The following NSF variants were observed in gnomAD, a reference collection of about 807,000 sequenced individuals.
The protein encoded by NSF is N-ethylmaleimide sensitive factor, vesicle fusing ATPase.
NSF carries 14 observed loss-of-function variants against 50.3 expected under a neutral mutation model. That is an observed-to-expected ratio of 0.28 (90% CI 0.18 to 0.44). The LOEUF is 0.44. NSF is among the 20% of genes least tolerant of loss of function. The pLI is 1.00. For synonymous variants in NSF, 109 were observed against 175.7 expected (o/e 0.62, Z 3.00); for missense variants, 218 against 504.3 (o/e 0.43, Z 5.44).
chr17:46,721,670 A>G (rs2058831982), intron 15 of NSF: 1 of 1,604,270 alleles, frequency 6.2e-7, no homozygotes, highest in Non-Finnish European at 8.5e-7. Flanking sequence ...CTTGTGTTCC[A>G]CATTGTTCTG....
intron 15 of NSF, among the ~76,000 whole-genome samples, chr17:46,716,500 G>A (rs1383636592): frequency 6.6e-6 from 1 of 151,962 alleles, no homozygotes; most frequent in Non-Finnish European, 1.5e-5. Flanking sequence ...CTCATGATCC[G>A]CACGCCTCAG....
chr17:46,728,387 G>A (rs1308471207), intron 16 of NSF, among the ~76,000 whole-genome samples: 4 of 151,986 alleles, frequency 2.6e-5, no homozygotes, highest in African/African-American at 9.7e-5. Flanking sequence ...AATACACCTG[G>A]AATTTTTTTT....
At chr17:46,597,788 CTTTTTTTTTTT>C (rs1162187499) in intron 1 of NSF, among the ~76,000 whole-genome samples, 4 of 44,170 alleles carry the variant, frequency 9.1e-5, no homozygotes, top group Admixed American at 3.0e-4. Flanking sequence ...TTGCAATACT[CTTTTTTTTTTT>C]TTTTTTTTTT....
At chr17:46,722,390 C>A (rs571577426) in intron 15 of NSF, among the ~76,000 whole-genome samples, 4 of 152,172 alleles carry the variant, frequency 2.6e-5, no homozygotes, top group Non-Finnish European at 5.9e-5. Context: ...CTATAACTCA[C>A]GGTGAGTTTG....
chr17:46,669,606 CT>C lies in NSF; in HGVS notation c.746-4807del, dbSNP rs991321674. Among the ~76,000 whole-genome samples, 14 of 136,844 alleles carry C rather than the reference CT, an allele frequency of 1.0e-4. 2 individuals are homozygous for C. The highest frequency in any genetic ancestry group is 2.3e-4 in the Non-Finnish European group (14 of 61,238). 89.8% of individuals were successfully genotyped at this position (136,844 alleles called of 152,430 possible). ...TCTGCTTATGCTACTTAGTTTTCTT[CT>C]AAGTGAAAGGTAGGGACTCAACCCC... On this transcript the variant is annotated intron_variant, in intron 8 of 20. Transcript: ENST00000398238.
chr17:46,722,832 C>T (rs1017512211), intron 15 of NSF, among the ~76,000 whole-genome samples: 2 of 152,154 alleles, frequency 1.3e-5, no homozygotes, highest in Admixed American at 6.5e-5. Flanking sequence ...GACTGGTTAC[C>T]TGAAACTAGT....
At position 46,757,232 on chromosome 17, in the gene NSF, T is replaced by C. The variant is rs147263361; in HGVS notation, c.*1409T>C. On this transcript the variant is annotated 3_prime_UTR_variant, in exon 21 of 21. Coordinates refer to ENST00000398238, the MANE Select transcript of NSF (RefSeq NM_006178.4). ...GGGTTTTCTTCCCTAGCTTATTTTG[T>C]GGCTTTTAAAGAAGTGGATTGTATT... 6.6e-6 allele frequency: 1 copy of C among 152,518 alleles called. No individual in the cohort carries two copies. Among genetic ancestry groups the C allele is most frequent in the Non-Finnish European group, 1.5e-5 (1 of 68,026 alleles). 9.4% of individuals were successfully genotyped at this position (152,518 alleles called of 1,614,324 possible). A position where few individuals can be genotyped will look rare whatever the true frequency, so the allele number is the denominator to read the frequency against.
intron 20 of NSF, 95 bp from the exon 21 acceptor site, chr17:46,755,707 A>G (rs556428540): frequency 5.1e-5 from 68 of 1,342,442 alleles, no homozygotes; most frequent in Non-Finnish European, 6.5e-5. Flanking sequence ...GATAACCATT[A>G]AGAAGCTTTT....
At chr17:46,738,947 C>T (rs1162399623) in intron 17 of NSF, among the ~76,000 whole-genome samples, 1 of 150,292 alleles carries the variant, frequency 6.7e-6, no homozygotes, top group Non-Finnish European at 1.5e-5. Flanking sequence ...ACTAAAAATA[C>T]AAAAAAGTCC....
At chr17:46,680,448 A>G (rs1157725309) in intron 9 of NSF, among the ~76,000 whole-genome samples, 3 of 151,922 alleles carry the variant, frequency 2.0e-5, no homozygotes, top group African/African-American at 7.3e-5. Flanking sequence ...ACAGCATACA[A>G]AATTGCAAGT....
chr17:46,714,433 T>C (rs966839496), intron 15 of NSF, among the ~76,000 whole-genome samples: 4 of 152,206 alleles, frequency 2.6e-5, no homozygotes, highest in Non-Finnish European at 5.9e-5. Flanking sequence ...TAGTTTTATA[T>C]TAGGTAATAA....
At chr17:46,621,836 T>TG (rs2058069700) in intron 1 of NSF, among the ~76,000 whole-genome samples, 1 of 129,654 alleles carries the variant, frequency 7.7e-6, no homozygotes, top group East Asian at 2.1e-4. Context: ...CCTGATATCT[T>TG]CAAGTCTTTA....
Position 46,642,093 on chromosome 17 carries a change from G to GA in NSF, c.590-1004dup, listed in dbSNP as rs1009508381. On this transcript the variant is annotated intron_variant, in intron 7 of 20. Transcript: ENST00000398238. ...CCCACAAGAGGGCAGTAGAGTGTAA[G>GA]AAAAAAATATTTTTCATCGCTTTCC... Among the ~76,000 whole-genome samples the GA allele has an allele frequency of 3.1e-5, 3 of 97,256 alleles. 1 individual carries two copies. The highest frequency in any genetic ancestry group is 1.3e-4 in the African/African-American group (3 of 22,686). The allele number at this position is 97,256 out of a possible 152,430, so 63.8% of individuals were successfully genotyped here.
chr17:46,622,248 G>GGTGGATCACA (rs1460089674), intron 1 of NSF, among the ~76,000 whole-genome samples: 6 of 144,140 alleles, frequency 4.2e-5, no homozygotes, highest in Non-Finnish European at 4.5e-5. Flanking sequence ...ACAAGGTCAG[G>GGTGGATCACA]AGATCGAGAC....
chr17:46,728,876 G>A lies in NSF; in HGVS notation c.1850G>A (p.Arg617Gln). 2 of 1,607,918 alleles carry A rather than the reference G, an allele frequency of 1.2e-6. No individual in the cohort carries two copies. Among genetic ancestry groups the A allele is most frequent in the Non-Finnish European group, 1.7e-6 (2 of 1,177,406 alleles). ...CCAGATTACGTCCCTATTGGCCCTC[G>A]ATTTTCAAATCTTGTATTACAGGCT... is the stretch of plus-strand genomic sequence containing the variant. ...RLLDYVPIGP[R>Q]FSNLVLQALL... Residue 617 changes from arginine (R) to glutamine (Q), a missense_variant, in exon 17 of 21, where the codon CGA becomes CAA. Arg to Gln is a conservative substitution (Grantham distance 43). Coordinates refer to ENST00000398238, the MANE Select transcript of NSF (RefSeq NM_006178.4).
chr17:46,715,720 G>A (rs1206169722), intron 15 of NSF, among the ~76,000 whole-genome samples: 6 of 152,122 alleles, frequency 3.9e-5, no homozygotes, highest in South Asian at 2.1e-4. Flanking sequence ...GACTTGAAGG[G>A]GGAAGGTAAT....
intron 17 of NSF, among the ~76,000 whole-genome samples, chr17:46,735,229 C>T (rs1437596413): frequency 2.0e-5 from 3 of 152,078 alleles, no homozygotes; most frequent in Non-Finnish European, 2.9e-5. Flanking sequence ...TTTCTGATAA[C>T]TCAAAATTAA....
At chr17:46,729,752 A>G (rs2146298200) in intron 17 of NSF, among the ~76,000 whole-genome samples, 1 of 152,206 alleles carries the variant, frequency 6.6e-6, no homozygotes, top group East Asian at 1.9e-4. Context: ...ATCTGTAAGG[A>G]AAATATTTAC....
At chr17:46,739,700 ATT>A (rs2059049554) in intron 17 of NSF, among the ~76,000 whole-genome samples, 2 of 150,662 alleles carry the variant, frequency 1.3e-5, no homozygotes, top group Admixed American at 1.3e-4. Context: ...CTATATTAAT[ATT>A]TTCTTCCACC....
Sources: gnomAD v4.1 joint callset for allele counts (sites outside exome capture counted in the v4.1 genomes callset) on GRCh38, gnomAD v4.1.1 for gene constraint, MANE v1.5 for transcripts, NCBI Gene and HGNC (gene_info 2026-07-23, HGNC 2026-07-21) for gene names.